RBPJ: variants seen among roughly 807,000 people sequenced by gnomAD.
RBPJ encodes the protein recombining binding protein suppressor of hairless.
Under a neutral mutation model 67.8 loss-of-function variants are expected in RBPJ, and 9 were observed. The observed-to-expected ratio is 0.13, with a 90% CI of 0.08 to 0.23. RBPJ has a LOEUF of 0.23. Ranked by LOEUF, RBPJ falls within the 10% of genes least tolerant of loss-of-function variation. The pLI, the probability that RBPJ is intolerant of heterozygous loss-of-function variation, is 1.00. For synonymous variants in RBPJ, 198 were observed against 203.3 expected (o/e 0.97, Z 0.22); for missense variants, 305 against 595.6 (o/e 0.51, Z 5.08).
rs368983092 is a variant in RBPJ, at chr4:26,363,613, AT to A, written c.21-22735del. On this transcript the variant is annotated intron_variant, in intron 1 of 10. Coordinates refer to ENST00000355476, the MANE Select transcript of RBPJ (RefSeq NM_015874.6). Reference sequence around the variant, plus strand: ...GCCACCACGCCCTGCTCATTTTTGTATTTTTAGTAGAGACGGGTTGTCACCA... The same window carrying A: ...GCCACCACGCCCTGCTCATTTTTGTATTTTAGTAGAGACGGGTTGTCACCA... Among the ~76,000 whole-genome samples the A allele has an allele frequency of 2.2e-3, 341 of 151,716 alleles. 1 individual carries two copies. Among genetic ancestry groups the A allele is most frequent in the African/African-American group, 7.9e-3 (328 of 41,298 alleles).
At chr4:26,324,506 T>A (rs1723419750) in intron 1 of RBPJ, among the ~76,000 whole-genome samples, 1 of 152,126 alleles carries the variant, frequency 6.6e-6, no homozygotes, top group Non-Finnish European at 1.5e-5. Context: ...TTTTGTTTTC[T>A]GCATGTAGCA....
At chr4:26,160,065 C>A (rs533445514), upstream of RBPJ, among the ~76,000 whole-genome samples, 41 of 152,212 alleles carry the variant, frequency 2.7e-4, 2 homozygotes, top group South Asian at 7.9e-3. Context: ...ACTACAGGCG[C>A]CCGCCACCGT....
At chr4:26,249,605 G>T (rs1479174151) in intron 1 of RBPJ, among the ~76,000 whole-genome samples, 3 of 152,010 alleles carry the variant, frequency 2.0e-5, no homozygotes, top group African/African-American at 7.2e-5. Context: ...AGATTGCAGT[G>T]AGCCGAGATC....
intron 1 of RBPJ, among the ~76,000 whole-genome samples, chr4:26,286,018 C>A (rs1471025773): frequency 6.6e-6 from 1 of 152,366 alleles, no homozygotes; most frequent in African/African-American, 2.4e-5. Flanking sequence ...AGTACACTTG[C>A]TTGAGCCCAG....
intron 1 of RBPJ, chr4:26,321,258 G>GGGCGGCGGC (rs1404456642): frequency 4.6e-5 from 7 of 153,176 alleles, no homozygotes; most frequent in East Asian, 3.9e-4. Flanking sequence ...GCGTGAGGGC[G>GGGCGGCGGC]GGCGGCGGCG....
intron 1 of RBPJ, among the ~76,000 whole-genome samples, chr4:26,329,087 G>A (rs905435385): frequency 2.6e-5 from 4 of 152,140 alleles, no homozygotes; most frequent in African/African-American, 9.7e-5. Flanking sequence ...TATGCCTCCC[G>A]GGTTCAAATG....
chr4:26,289,104 A>C (rs1721574803), intron 1 of RBPJ, among the ~76,000 whole-genome samples: 1 of 150,932 alleles, frequency 6.6e-6, no homozygotes, highest in African/African-American at 2.4e-5. Context: ...TTAAGAAAGA[A>C]AGAGGAGTAG....
chr4:26,242,719 A>T (rs1320624416), intron 1 of RBPJ, among the ~76,000 whole-genome samples: 1 of 151,588 alleles, frequency 6.6e-6, no homozygotes, highest in Non-Finnish European at 1.5e-5. Flanking sequence ...AAAAAAAAAA[A>T]AAAAAAAAGT....
intron 1 of RBPJ, among the ~76,000 whole-genome samples, chr4:26,166,798 A>G (rs1167318792): frequency 6.6e-6 from 1 of 152,134 alleles, no homozygotes; most frequent in African/African-American, 2.4e-5. Flanking sequence ...GCCCATGCCT[A>G]TGTCCTGAAT....
At chr4:26,190,951 G>A (rs996497078) in intron 1 of RBPJ, among the ~76,000 whole-genome samples, 2 of 151,398 alleles carry the variant, frequency 1.3e-5, no homozygotes, top group Non-Finnish European at 2.9e-5. Flanking sequence ...TTTGGCACCA[G>A]CCTGGGCAAC....
chr4:26,142,730 G>A, the RBPJ span, among the ~76,000 whole-genome samples: 1 of 152,138 alleles, frequency 6.6e-6, no homozygotes, highest in Non-Finnish European at 1.5e-5. Context: ...GAAAGAATAG[G>A]CATTCAAGAA....
At chr4:26,263,603 G>C (rs550791125) in intron 1 of RBPJ, among the ~76,000 whole-genome samples, 46 of 152,208 alleles carry the variant, frequency 3.0e-4, no homozygotes, top group African/African-American at 1.1e-3. Flanking sequence ...AAGGAGTCTC[G>C]CTCTGTCACA....
At chr4:26,337,813 A>G (rs1725029726) in intron 1 of RBPJ, among the ~76,000 whole-genome samples, 1 of 148,776 alleles carries the variant, frequency 6.7e-6, no homozygotes, top group African/African-American at 2.5e-5. Flanking sequence ...CACCCTCCCC[A>G]GTAGCTGAGA....
At chr4:26,214,016 T>C (rs112542022) in intron 1 of RBPJ, among the ~76,000 whole-genome samples, 257 of 151,884 alleles carry the variant, frequency 1.7e-3, no homozygotes, top group South Asian at 0.011. Flanking sequence ...ATGGAAGAAC[T>C]GAAGAAACCT....
At chr4:26,339,566 G>A (rs375864730) in intron 1 of RBPJ, among the ~76,000 whole-genome samples, 2 of 152,134 alleles carry the variant, frequency 1.3e-5, no homozygotes, top group Non-Finnish European at 1.5e-5. Context: ...TCTGGGAGGC[G>A]GAGTTTGCAG....
At chr4:26,251,370 T>C (rs1720102783) in intron 1 of RBPJ, among the ~76,000 whole-genome samples, 1 of 152,114 alleles carries the variant, frequency 6.6e-6, no homozygotes, top group Non-Finnish European at 1.5e-5. Context: ...GTGCAGTGGC[T>C]CACACCTGTA....
intron 2 of RBPJ, among the ~76,000 whole-genome samples, chr4:26,404,854 C>T (rs1316601337): frequency 1.3e-5 from 2 of 152,200 alleles, no homozygotes; most frequent in Non-Finnish European, 2.9e-5. Context: ...ACTTCTCGCT[C>T]AGAATTAGGG....
chr4:26,312,334 T>G (rs1215091357), intron 1 of RBPJ, among the ~76,000 whole-genome samples: 1 of 152,182 alleles, frequency 6.6e-6, no homozygotes, highest in Admixed American at 6.5e-5. Context: ...GGTTTCACTG[T>G]GTTAGCCAAG....
chr4:26,236,710 A>G (rs971558298), intron 1 of RBPJ, among the ~76,000 whole-genome samples: 1 of 152,246 alleles, frequency 6.6e-6, no homozygotes, highest in Non-Finnish European at 1.5e-5. Flanking sequence ...TAGTCACACA[A>G]GACAGTCCCT....
Sources: allele counts gnomAD v4.1 joint callset (sites outside exome capture counted in the v4.1 genomes callset), GRCh38; gene constraint gnomAD v4.1.1; transcripts MANE v1.5; gene names NCBI Gene and HGNC (gene_info 2026-07-23, HGNC 2026-07-21).